Variants in PHRF1 observed in about 807,000 individuals in gnomAD.
The protein encoded by PHRF1 is PHD and ring finger domains 1.
PHRF1 carries 53 observed loss-of-function variants against 128.9 expected under a neutral mutation model. That is an observed-to-expected ratio of 0.41 (90% CI 0.33 to 0.52). PHRF1 has a LOEUF of 0.52. Among genes scored for constraint, PHRF1 ranks in the 20% least tolerant of loss-of-function variants. The pLI is 0.21. For missense variants in PHRF1, 2,503 were observed against 2,284.5 expected, an observed-to-expected ratio of 1.10 and a Z score of -1.95; for synonymous variants, 1,178 against 980.6, an observed-to-expected ratio of 1.20 and a Z score of -3.76.
At chr11:599,236 CT>C (rs1554908051) in intron 9 of PHRF1, among the ~76,000 whole-genome samples, 2,122 of 124,940 alleles carry the variant, frequency 0.017, 50 homozygotes, top group African/African-American at 0.058. Flanking sequence ...CATACTTTTT[CT>C]TTTTTTTTTT....
chr11:603,349 C>T (rs1318658459), intron 10 of PHRF1, among the ~76,000 whole-genome samples: 7 of 152,078 alleles, frequency 4.6e-5, no homozygotes, highest in East Asian at 1.9e-4. Flanking sequence ...TAGGTTGGGG[C>T]GGGAACAAAG....
rs1244804483 is a variant in PHRF1, at chr11:587,477, C to G, written c.420+13C>G. The G allele has an allele frequency of 9.9e-6, 16 of 1,611,984 alleles. No individual in the cohort carries two copies. Among genetic ancestry groups the G allele is most frequent in the Admixed American group, 5.0e-5 (3 of 59,990 alleles). On this transcript the variant is annotated intron_variant, in intron 4 of 17. Coordinates refer to ENST00000264555, the MANE Select transcript of PHRF1 (RefSeq NM_001286581.2). ...CGAATGGTCCAAGGTGAGTTCACCT[C>G]TGGTTGGGTGCTTCCTCCCTTCAGG...
intron 1 of PHRF1, among the ~76,000 whole-genome samples, chr11:578,436 C>G (rs1854013579): frequency 6.6e-6 from 1 of 152,186 alleles, no homozygotes; most frequent in Non-Finnish European, 1.5e-5. Context: ...GGTGCATGGA[C>G]TCGCAAAGTT....
intron 3 of PHRF1, among the ~76,000 whole-genome samples, chr11:582,445 C>T (rs1305447646): frequency 6.6e-6 from 1 of 151,676 alleles, no homozygotes; most frequent in South Asian, 2.1e-4. Flanking sequence ...CTTTTTGTAT[C>T]TTTAGTAGAG....
chr11:610,742 A>G lies in PHRF1; in HGVS notation c.4658A>G (p.Glu1553Gly). The stretch of plus-strand genomic sequence containing the variant: ...ACCCCGGCCCCCAGGCTAGCTGCGG[A>G]GAAAACCAAGAAGGAGGAGGTGAGT... Reference protein sequence around the residue: ...EKTPAPRLAAEKTKKEEYMKK... With the variant: ...EKTPAPRLAAGKTKKEEYMKK... The change falls in exon 16 of 18, where the codon GAG becomes GGG. Residue 1553 changes from glutamate to glycine, a missense_variant. Glu to Gly is a moderately conservative substitution (Grantham distance 98). Coordinates refer to ENST00000264555, the MANE Select transcript of PHRF1 (RefSeq NM_001286581.2). 7.5e-6 allele frequency: 12 copies of G among 1,601,350 alleles called. No homozygotes were observed. The highest frequency in any genetic ancestry group is 2.2e-5 in the East Asian group (1 of 44,880).
chr11:598,418 G>C lies in PHRF1; in HGVS notation c.940G>C (p.Glu314Gln). 1 of 1,611,268 alleles carries C rather than the reference G, an allele frequency of 6.2e-7. No homozygotes were observed. Among genetic ancestry groups the C allele is most frequent in the Non-Finnish European group, 8.5e-7 (1 of 1,179,794 alleles). ...LGSSLLDEAIEAVATGLSTAV... is the reference protein window; with the variant it reads ...LGSSLLDEAIQAVATGLSTAV... ...GTCTTCCCTGCTGGATGAAGCCATC[G>C]AGGCTGTGGCGACTGGCCTGAGCAC... The change falls in exon 9 of 18, where the codon GAG (glutamate) becomes CAG (glutamine). Residue 314 changes from glutamate to glutamine, a missense_variant. Physicochemically the swap from Glu to Gln is conservative, Grantham distance 29. Coordinates refer to ENST00000264555, the MANE Select transcript of PHRF1 (RefSeq NM_001286581.2).
At chr11:579,202 A>G (rs1186075201) in intron 1 of PHRF1, among the ~76,000 whole-genome samples, 1 of 146,734 alleles carries the variant, frequency 6.8e-6, no homozygotes, top group African/African-American at 2.6e-5. Context: ...TGCACTCGGG[A>G]CAGTTGGACC....
intron 9 of PHRF1, among the ~76,000 whole-genome samples, chr11:599,352 G>C (rs920630408): frequency 1.4e-5 from 2 of 144,232 alleles, no homozygotes; most frequent in African/African-American, 5.2e-5. Flanking sequence ...CCGGGTTCAA[G>C]TGTTTCTCCT....
Position 591,370 on chromosome 11 carries a change from T to G in PHRF1, c.421-14T>G, listed in dbSNP as rs745904009. 1 of 1,597,602 alleles carries G rather than the reference T, an allele frequency of 6.3e-7. No individual in the cohort carries two copies. The highest frequency in any genetic ancestry group is 1.3e-5 in the African/African-American group (1 of 74,446). ...TGATTGACAAGATTCTGATCCTGTTTTTATTTCTCACAGAATGCCAATTCC... is the reference window on the plus strand; with the variant it reads ...TGATTGACAAGATTCTGATCCTGTTGTTATTTCTCACAGAATGCCAATTCC... On this transcript the variant is annotated splice_polypyrimidine_tract_variant and intron_variant, in intron 4 of 17. Coordinates refer to ENST00000264555, the MANE Select transcript of PHRF1 (RefSeq NM_001286581.2).
At position 608,139 on chromosome 11, in the gene PHRF1, C is replaced by T. The variant is rs1856073255; in HGVS notation, c.2683C>T (p.Pro895Ser). Reference sequence around the variant, plus strand: ...CATCTTTGGTACAGAGCCCGAACCCCCTCTCGGACCGTCCTCCGCCATGTC... The same window carrying T: ...CATCTTTGGTACAGAGCCCGAACCCTCTCTCGGACCGTCCTCCGCCATGTC... ...ESIFGTEPEP[P>S]LGPSSAMSKL... is the part of the protein sequence containing the mutation. Residue 895 changes from proline (P) to serine (S), a missense_variant, in exon 14 of 18, where the codon CCT (proline) becomes TCT (serine). By Grantham distance (74) the Pro-to-Ser change is moderately conservative (BLOSUM62 -1). Transcript: ENST00000264555. The T allele has an allele frequency of 6.2e-7, 1 of 1,611,458 alleles. No individual in the cohort carries two copies. Among genetic ancestry groups the T allele is most frequent in the South Asian group, 1.1e-5 (1 of 91,086 alleles).
intron 10 of PHRF1, among the ~76,000 whole-genome samples, chr11:603,356 A>T (rs976279686): frequency 6.6e-6 from 1 of 152,082 alleles, no homozygotes; most frequent in African/African-American, 2.4e-5. Flanking sequence ...GGGCGGGAAC[A>T]AAGTCTGGTT....
intron 10 of PHRF1, among the ~76,000 whole-genome samples, 178 bp from the exon 11 acceptor site, chr11:604,941 G>A (rs72844710): frequency 0.052 from 7,866 of 152,320 alleles, 251 homozygotes; most frequent in Middle Eastern, 0.15. Context: ...CGGCCGATGT[G>A]TGCGGCATTG....
rs117660271 is a variant in PHRF1, at chr11:582,056, G to A, written c.189G>A (p.Glu63=). 4.6e-3 allele frequency: 7,431 copies of A among 1,602,158 alleles called. 18 individuals carry two copies. The highest frequency in any genetic ancestry group is 5.7e-3 in the Non-Finnish European group (6,705 of 1,174,592). The change falls in exon 3 of 18, where the codon GAG becomes GAA. Residue 63 remains glutamate, a synonymous_variant. Coordinates refer to ENST00000264555, the MANE Select transcript of PHRF1 (RefSeq NM_001286581.2). ...ACGGAGAAGACGAGGGGGCGTCTGA[G>A]GAGGAAGACCTGGAAGACAGATCTG... ...GTDGEDEGAS[E]EEDLEDRSGS... is the part of the protein sequence containing the mutation.
chr11:601,116 A>G (rs1354565802), intron 9 of PHRF1, among the ~76,000 whole-genome samples: 1 of 152,150 alleles, frequency 6.6e-6, no homozygotes, highest in African/African-American at 2.4e-5. Flanking sequence ...GCACCAGTGC[A>G]CTTCAGCCTT....
At position 609,663 on chromosome 11, in the gene PHRF1, G is replaced by A; in HGVS notation, c.4207G>A (p.Val1403Ile). 1 of 1,561,288 alleles carries A rather than the reference G, an allele frequency of 6.4e-7. No individual in the cohort carries two copies. The highest frequency in any genetic ancestry group is 8.6e-7 in the Non-Finnish European group (1 of 1,156,100). Residue 1403 changes from valine (V) to isoleucine (I), a missense_variant, in exon 14 of 18, where the codon GTC becomes ATC. Transcript: ENST00000264555. ...GCGGTCCAGAGCCCTGGTGAAGCGG[G>A]TCACCTGGAACCTGCAGGAGTCGGA... ...LLRSRALVKRVTWNLQESESS... is the reference protein window; with the variant it reads ...LLRSRALVKRITWNLQESESS...
At position 608,673 on chromosome 11, in the gene PHRF1, A is replaced by G. The variant is rs1856124490; in HGVS notation, c.3217A>G (p.Lys1073Glu). 6 of 1,612,408 alleles carry G rather than the reference A, an allele frequency of 3.7e-6. No homozygotes were observed. The highest frequency in any genetic ancestry group is 1.1e-5 in the South Asian group (1 of 91,056). The change falls in exon 14 of 18, where the codon AAG becomes GAG. Residue 1073 changes from lysine to glutamate, a missense_variant. By Grantham distance (56) the Lys-to-Glu change is moderately conservative. Transcript: ENST00000264555. ...ERAKRKKAKD[K>E]SREHRRGPWG... ...AGCTAAGAGGAAGAAAGCCAAGGAC[A>G]AGAGCAGGGAGCACAGGCGGGGCCC...
At chr11:582,118 C>T (rs772031372) in intron 3 of PHRF1, 37 bp downstream of exon 3, 2 of 1,557,960 alleles carry the variant, frequency 1.3e-6, no homozygotes, top group Admixed American at 3.9e-5. Context: ...TCCTGTGTTT[C>T]CTCTTGTCGT....
At chr11:600,529 C>T (rs985090899) in intron 9 of PHRF1, among the ~76,000 whole-genome samples, 2 of 143,052 alleles carry the variant, frequency 1.4e-5, no homozygotes, top group African/African-American at 2.8e-5. Context: ...TGGTTTATTT[C>T]TCCGTTTAAA....
intron 5 of PHRF1, among the ~76,000 whole-genome samples, chr11:592,128 G>T (rs1855007267): frequency 6.6e-6 from 1 of 152,008 alleles, no homozygotes; most frequent in South Asian, 2.1e-4. Context: ...TGTTAGCCAG[G>T]ATGGTCTCGA....
Sources: allele counts gnomAD v4.1 joint callset (sites outside exome capture counted in the v4.1 genomes callset), GRCh38; gene constraint gnomAD v4.1.1; transcripts MANE v1.5; gene names NCBI Gene and HGNC (gene_info 2026-07-23, HGNC 2026-07-21).